IL1RAP: variants seen among roughly 807,000 people sequenced by gnomAD.
IL1RAP encodes interleukin-1 receptor accessory protein.
Under a neutral mutation model 60.7 loss-of-function variants are expected in IL1RAP, and 35 were observed. That is an observed-to-expected ratio of 0.58 (90% confidence interval 0.44 to 0.76). The LOEUF is 0.76. Among genes scored for constraint, IL1RAP ranks in the 30% least tolerant of loss-of-function variants. The probability of loss-of-function intolerance (pLI) is 0.00; values close to 1 mark genes in which losing one functional copy is unlikely to be tolerated. For missense variants in IL1RAP, 572 were observed against 693.9 expected, an observed-to-expected ratio of 0.82 and a Z score of 1.97; for synonymous variants, 268 against 250.9, an observed-to-expected ratio of 1.07 and a Z score of -0.64.
chr3:190,594,487 A>G (rs1729212409), intron 3 of IL1RAP, among the ~76,000 whole-genome samples: 1 of 152,200 alleles, frequency 6.6e-6, no homozygotes, highest in Non-Finnish European at 1.5e-5. Flanking sequence ...ATGGGATGGT[A>G]GGAGGAGCAT....
At chr3:190,608,851 A>G (rs1730585009) in intron 4 of IL1RAP, 144 bp from the exon 5 acceptor site, 3 of 601,078 alleles carry the variant, frequency 5.0e-6, no homozygotes, top group Non-Finnish European at 8.6e-6. Flanking sequence ...AAATGCCTCC[A>G]CTACCATTTT....
At chr3:190,621,806 A>T (rs1432927772) in intron 6 of IL1RAP, among the ~76,000 whole-genome samples, 2 of 152,240 alleles carry the variant, frequency 1.3e-5, no homozygotes, top group Non-Finnish European at 2.9e-5. Context: ...AAAACCAAGT[A>T]ACTTTGCTTT....
downstream of IL1RAP, among the ~76,000 whole-genome samples, chr3:190,655,042 A>G (rs1187574567): frequency 6.6e-6 from 1 of 152,108 alleles, no homozygotes; most frequent in Non-Finnish European, 1.5e-5. Flanking sequence ...GCACACACAC[A>G]CGCACCACAC....
chr3:190,559,947 T>A (rs561172404), intron 2 of IL1RAP, among the ~76,000 whole-genome samples: 97 of 152,192 alleles, frequency 6.4e-4, no homozygotes, highest in Admixed American at 1.0e-3. Flanking sequence ...GTCTTCCATG[T>A]CACTTTGCCA....
intron 8 of IL1RAP, among the ~76,000 whole-genome samples, 198 bp from the exon 9 acceptor site, chr3:190,629,152 G>A (rs1732560554): frequency 6.6e-6 from 1 of 152,328 alleles, no homozygotes; most frequent in East Asian, 1.9e-4. Flanking sequence ...ATAGTGTGTA[G>A]CGTAGATGGT....
At chr3:190,628,569 A>AT (rs1305284151) in intron 8 of IL1RAP, among the ~76,000 whole-genome samples, 1 of 152,198 alleles carries the variant, frequency 6.6e-6, no homozygotes, top group Non-Finnish European at 1.5e-5. Flanking sequence ...GTTCAAAGGG[A>AT]TTTTAAATTC....
rs1471253135 is a variant in IL1RAP, at chr3:190,644,262, T to C, written c.1066T>C (p.Tyr356His). 6.2e-7 allele frequency: 1 copy of C among 1,613,310 alleles called. No individual in the cohort carries two copies. Among genetic ancestry groups the C allele is most frequent in the African/African-American group, 1.3e-5 (1 of 74,888 alleles). The change falls in exon 10 of 12, where the codon TAC (tyrosine) becomes CAC (histidine). Residue 356 changes from tyrosine (Y) to histidine (H), a missense_variant. Tyr to His is a moderately conservative substitution (Grantham distance 83). Transcript: ENST00000447382. ...KVKQKVPAPR[Y>H]TVELACGFGA... is the part of the protein sequence containing the mutation. ...GTTCATTCCAGTGCCAGCTCCAAGATACACAGTGGAACTGGCTTGTGGTTT... is the reference window on the plus strand; with the variant it reads ...GTTCATTCCAGTGCCAGCTCCAAGACACACAGTGGAACTGGCTTGTGGTTT...
chr3:190,552,405 C>T (rs73198274), intron 1 of IL1RAP, among the ~76,000 whole-genome samples: 9,858 of 152,186 alleles, frequency 0.065, 526 homozygotes, highest in East Asian at 0.3. Flanking sequence ...TTAATTTTTA[C>T]ACTCCTTCTA....
chr3:190,524,229 G>A (rs6796948), intron 1 of IL1RAP, among the ~76,000 whole-genome samples: 10,260 of 151,904 alleles, frequency 0.068, 805 homozygotes, highest in African/African-American at 0.18. Flanking sequence ...AATTTGTTTA[G>A]GTTCCTTCTA....
chr3:190,624,729 C>T (rs1050872643), intron 7 of IL1RAP: 5 of 204,012 alleles, frequency 2.5e-5, no homozygotes, highest in East Asian at 1.1e-4. Flanking sequence ...TCAGGCAGTG[C>T]CTGTTTTGTG....
At chr3:190,572,518 GA>G (rs1008625093) in intron 3 of IL1RAP, among the ~76,000 whole-genome samples, 2 of 152,052 alleles carry the variant, frequency 1.3e-5, no homozygotes, top group Non-Finnish European at 2.9e-5. Flanking sequence ...AATGCAAAGA[GA>G]AAAATAGAGA....
In IL1RAP at chr3:190,609,680, T is replaced by C. The variant is rs565130373; in HGVS notation, c.537+499T>C. Among the ~76,000 whole-genome samples the C allele has an allele frequency of 6.6e-5, 10 of 152,196 alleles. No individual in the cohort carries two copies. The South Asian group carries it at 1.2e-3, about 19-fold the overall frequency. On this transcript the variant is annotated intron_variant, in intron 5 of 11. Coordinates refer to ENST00000447382, the MANE Select transcript of IL1RAP (RefSeq NM_002182.4). ...TAAAAGTGTTGGAAGGTAGCGCTTG[T>C]AGCAGCAGCATAGCTTTTGTATCAC...
At chr3:190,549,479 C>G (rs1163838121) in intron 1 of IL1RAP, among the ~76,000 whole-genome samples, 1 of 152,170 alleles carries the variant, frequency 6.6e-6, no homozygotes, top group Non-Finnish European at 1.5e-5. Flanking sequence ...AAGGGGCCAT[C>G]ATCCAAAGCT....
Position 190,649,726 on chromosome 3 carries a change from G to C in IL1RAP, c.*1021G>C. The C allele has an allele frequency of 3.0e-6, 3 of 985,658 alleles. No homozygotes were observed. The highest frequency in any genetic ancestry group is 3.6e-6 in the Non-Finnish European group (3 of 829,894). The allele number at this position is 985,658 out of a possible 1,614,324, so 61.1% of individuals were successfully genotyped here. A position where few individuals can be genotyped will look rare whatever the true frequency, so the allele number is the denominator to read the frequency against. ...CTTAGTGGCCTTGAGAGTTGCTTTT[G>C]GCATTAATATTCTAAGAGAATTAAC... is the stretch of plus-strand genomic sequence containing the variant. On this transcript the variant is annotated 3_prime_UTR_variant, in exon 12 of 12. Coordinates refer to ENST00000447382, the MANE Select transcript of IL1RAP (RefSeq NM_002182.4).
chr3:190,565,109 T>C (rs73886477), intron 3 of IL1RAP, among the ~76,000 whole-genome samples: 13 of 151,732 alleles, frequency 8.6e-5, no homozygotes, highest in Admixed American at 3.9e-4. Flanking sequence ...TTGATTTTAG[T>C]ATCTAAAACT....
chr3:190,552,864 C>A (rs1158516583), intron 1 of IL1RAP, among the ~76,000 whole-genome samples: 1 of 152,110 alleles, frequency 6.6e-6, no homozygotes, highest in Non-Finnish European at 1.5e-5. Flanking sequence ...AACATAAAGG[C>A]CTTTTAAATA....
At chr3:190,630,588 G>T (rs533539744) in intron 9 of IL1RAP, among the ~76,000 whole-genome samples, 23 of 152,176 alleles carry the variant, frequency 1.5e-4, no homozygotes, top group Non-Finnish European at 2.9e-4. Flanking sequence ...AAATAGCAAA[G>T]GCCTGAAATG....
At chr3:190,607,132 A>G (rs1730399704) in intron 4 of IL1RAP, among the ~76,000 whole-genome samples, 1 of 151,906 alleles carries the variant, frequency 6.6e-6, no homozygotes. Flanking sequence ...CCTCTTTGAG[A>G]GTGCATACCC....
chr3:190,623,224 C>T (rs1013284863), intron 6 of IL1RAP, 120 bp from the exon 7 acceptor site: 3 of 731,874 alleles, frequency 4.1e-6, no homozygotes, highest in Non-Finnish European at 4.9e-6. Context: ...GACTATAGGC[C>T]TTCTCTAAAA....
Sources: gnomAD v4.1 joint callset for allele counts (sites outside exome capture counted in the v4.1 genomes callset) on GRCh38, gnomAD v4.1.1 for gene constraint, MANE v1.5 for transcripts, NCBI Gene and HGNC (gene_info 2026-07-23, HGNC 2026-07-21) for gene names.